The following PTPRH variants were observed in gnomAD, a reference collection of about 807,000 sequenced individuals.
PTPRH encodes the protein receptor-type tyrosine-protein phosphatase H.
In PTPRH, 113 loss-of-function variants were observed where a neutral mutation model predicts 130.2. That is an observed-to-expected ratio of 0.87 (90% CI 0.75 to 1.01). The LOEUF is 1.01. Among genes scored for constraint, PTPRH ranks in the 50% least tolerant of loss-of-function variants. The pLI is 0.00. For synonymous variants in PTPRH, 556 were observed against 577.9 expected (o/e 0.96, Z 0.54); for missense variants, 1,430 against 1,425.0 (o/e 1.00, Z -0.06).
chr19:55,181,309 G>A lies in PTPRH; in HGVS notation c.*445C>T, dbSNP rs900429290. ...AAGGAAAAATACATGTGGATGGTGG[G>A]GTGCAGAGAGACCTTGGGCACAGGG... On this transcript the variant is annotated 3_prime_UTR_variant, in exon 20 of 20. Coordinates refer to ENST00000376350, the MANE Select transcript of PTPRH (RefSeq NM_002842.5). 1 of 163,130 alleles carries A rather than the reference G, an allele frequency of 6.1e-6. No individual in the cohort carries two copies. Among genetic ancestry groups the A allele is most frequent in the Non-Finnish European group, 1.3e-5 (1 of 74,290 alleles). 10.1% of individuals were successfully genotyped at this position (163,130 alleles called of 1,614,324 possible).
chr19:55,204,897 G>C (rs911049954), intron 4 of PTPRH, among the ~76,000 whole-genome samples: 3 of 152,078 alleles, frequency 2.0e-5, no homozygotes, highest in Non-Finnish European at 2.9e-5. Flanking sequence ...CTACCATATC[G>C]GACAATGGAG....
Position 55,191,710 on chromosome 19 carries a change from G to A in PTPRH, c.2289C>T (p.Leu763=), listed in dbSNP as rs1322360516. The A allele has an allele frequency of 6.2e-7, 1 of 1,614,078 alleles. No individual in the cohort carries two copies. The highest frequency in any genetic ancestry group is 8.5e-7 in the Non-Finnish European group (1 of 1,180,018). Residue 763 remains leucine (L), a synonymous_variant, in exon 11 of 20, where the codon CTC becomes CTT. Coordinates refer to ENST00000376350, the MANE Select transcript of PTPRH (RefSeq NM_002842.5). ...GVIAGAFVGI[L]LFLILVGLLI... is the part of the protein sequence containing the mutation. Reference sequence around the variant, plus strand: ...GCAGGCCCACGAGGATGAGAAACAGGAGGATGCCCACAAAGGCTCCGGCAA... The same window carrying A: ...GCAGGCCCACGAGGATGAGAAACAGAAGGATGCCCACAAAGGCTCCGGCAA...
chr19:55,187,711 G>A (rs887371856), intron 13 of PTPRH, 108 bp from the exon 14 acceptor site: 34 of 780,658 alleles, frequency 4.4e-5, no homozygotes, highest in Non-Finnish European at 6.5e-5. Flanking sequence ...TTGTTTATTC[G>A]TTGCACCCTG....
rs1407958386 is a variant in PTPRH at position 55,185,894 on chromosome 19, T to A, written c.2869A>T (p.Asn957Tyr). The A allele has an allele frequency of 1.9e-6, 3 of 1,614,086 alleles. No homozygotes were observed. The highest frequency in any genetic ancestry group is 2.5e-6 in the Non-Finnish European group (3 of 1,180,010). ...AGCAGCAGTTCCCGCACCGTCCAGT[T>A]CTCCATCACTTCCTCACCTACCAGG... ...VTLVGEEVME[N>Y]WTVRELLLLQ... The change falls in exon 17 of 20, where the codon AAC becomes TAC. Residue 957 changes from asparagine to tyrosine, a missense_variant. Coordinates refer to ENST00000376350, the MANE Select transcript of PTPRH (RefSeq NM_002842.5).
intron 10 of PTPRH, among the ~76,000 whole-genome samples, chr19:55,196,116 G>A (rs1013373064): frequency 9.9e-5 from 15 of 152,104 alleles, no homozygotes; most frequent in East Asian, 5.8e-4. Flanking sequence ...TGGATGGCGC[G>A]GTGGCCCACA....
intron 14 of PTPRH, 103 bp downstream of exon 14, chr19:55,187,410 A>C: frequency 9.2e-6 from 5 of 546,140 alleles, no homozygotes; most frequent in African/African-American, 4.1e-5. Flanking sequence ...GACCCACGGT[A>C]GGGGGCAGGA....
Position 55,185,948 on chromosome 19 carries a change from G to C in PTPRH, c.2815C>G (p.Pro939Ala), listed in dbSNP as rs140748270. 99 of 1,613,940 alleles carry C rather than the reference G, an allele frequency of 6.1e-5. No homozygotes were observed. Among genetic ancestry groups the C allele is most frequent in the Non-Finnish European group, 7.8e-5 (92 of 1,179,972 alleles). Residue 939 changes from proline (P) to alanine (A), a missense_variant, in exon 17 of 20, where the codon CCC becomes GCC. Transcript: ENST00000376350. ...ACCCGCAGGTGCCCATGGGTGCAGGGCTGCGAGTCCAGAGGCCAGTAATGC... is the reference window on the plus strand; with the variant it reads ...ACCCGCAGGTGCCCATGGGTGCAGGCCTGCGAGTCCAGAGGCCAGTAATGC... Reference protein sequence around the residue: ...CEHYWPLDSQPCTHGHLRVTL... With the variant: ...CEHYWPLDSQACTHGHLRVTL...
At chr19:55,188,889 G>A (rs1298942681) in intron 12 of PTPRH, among the ~76,000 whole-genome samples, 2 of 152,216 alleles carry the variant, frequency 1.3e-5, no homozygotes, top group Non-Finnish European at 2.9e-5. Flanking sequence ...CGTCTTAAAA[G>A]GTAACTGTTC....
rs2087161192 is a variant in PTPRH at position 55,209,081 on chromosome 19, T to C, written c.51+302A>G. 2.0e-5 allele frequency among the ~76,000 whole-genome samples: 3 copies of C among 151,638 alleles called. No individual in the cohort carries two copies. Among genetic ancestry groups the C allele is most frequent in the South Asian group, 4.2e-4 (2 of 4,770 alleles). ...ACAGCTGTGTGTTGCCTGAAGCCAG[T>C]GTCCCCCGCAGCAGACACGACAGTG... On this transcript the variant is annotated intron_variant, in intron 1 of 19. Coordinates refer to ENST00000376350, the MANE Select transcript of PTPRH (RefSeq NM_002842.5). This position sits in a 1 kb window ranked among gnomAD's most constrained non-coding sequence, Gnocchi z 4.1.
intron 12 of PTPRH, among the ~76,000 whole-genome samples, chr19:55,188,911 AC>A (rs1737876930): frequency 6.6e-6 from 1 of 152,086 alleles, no homozygotes; most frequent in African/African-American, 2.4e-5. Flanking sequence ...CCAGTGTCCA[AC>A]CCCAAGCCAC....
In PTPRH at chr19:55,202,251, G is replaced by C. The variant is rs760361949; in HGVS notation, c.958C>G (p.Pro320Ala). 5 of 1,614,072 alleles carry C rather than the reference G, an allele frequency of 3.1e-6. No homozygotes were observed. In the East Asian group the frequency reaches 1.1e-4, roughly 36 times the overall value. Reference sequence around the variant, plus strand: ...GAGTTCTGTGGGTCTGGGCCATCGGGGACCTCCCAGGTCAGGGCGATGGAG... The same window carrying C: ...GAGTTCTGTGGGTCTGGGCCATCGGCGACCTCCCAGGTCAGGGCGATGGAG... ...NSSIALTWEV[P>A]DGPDPQNSTY... The change falls in exon 6 of 20, where the codon CCC (proline) becomes GCC (alanine). Residue 320 changes from proline to alanine, a missense_variant. Transcript: ENST00000376350.
rs1320539038 is a variant in PTPRH at position 55,185,949 on chromosome 19, C to T, written c.2814G>A (p.Gln938=). The part of the protein sequence containing the change: ...KCEHYWPLDS[Q]PCTHGHLRVT... ...CCCGCAGGTGCCCATGGGTGCAGGGCTGCGAGTCCAGAGGCCAGTAATGCT... is the reference window on the plus strand; with the variant it reads ...CCCGCAGGTGCCCATGGGTGCAGGGTTGCGAGTCCAGAGGCCAGTAATGCT... The change falls in exon 17 of 20, where the codon CAG becomes CAA. Residue 938 remains glutamine, a synonymous_variant. Coordinates refer to ENST00000376350, the MANE Select transcript of PTPRH (RefSeq NM_002842.5). The T allele has an allele frequency of 2.5e-6, 4 of 1,614,046 alleles. No individual in the cohort carries two copies. Among genetic ancestry groups the T allele is most frequent in the Middle Eastern group, 1.6e-4 (1 of 6,062 alleles).
chr19:55,185,273 C>A (rs1302246506), intron 18 of PTPRH, among the ~76,000 whole-genome samples: 4 of 152,154 alleles, frequency 2.6e-5, no homozygotes, highest in Non-Finnish European at 5.9e-5. Flanking sequence ...GATTTACAGG[C>A]ATGAGCCACC....
intron 9 of PTPRH, among the ~76,000 whole-genome samples, 153 bp downstream of exon 9, chr19:55,196,962 TAC>T (rs991223208): frequency 6.6e-6 from 1 of 152,184 alleles, no homozygotes; most frequent in Non-Finnish European, 1.5e-5. Flanking sequence ...CCTTTTAAAC[TAC>T]AACTCCCATG....
intron 11 of PTPRH, 37 bp from the exon 12 acceptor site, chr19:55,191,585 T>A (rs1600012164): frequency 6.2e-7 from 1 of 1,613,340 alleles, no homozygotes; most frequent in Non-Finnish European, 8.5e-7. Flanking sequence ...GCTCAGGGGG[T>A]GAGGCTGCAA....
chr19:55,183,356 A>G (rs747145023), intron 18 of PTPRH, among the ~76,000 whole-genome samples: 12 of 151,474 alleles, frequency 7.9e-5, no homozygotes, highest in Non-Finnish European at 1.8e-4. Context: ...GTGAGCCGAG[A>G]TCACATCACT....
chr19:55,204,245 G>A (rs2086972085), intron 4 of PTPRH, among the ~76,000 whole-genome samples, 197 bp from the exon 5 acceptor site: 2 of 152,028 alleles, frequency 1.3e-5, no homozygotes, highest in African/African-American at 2.4e-5. Flanking sequence ...TCAGCCTCCC[G>A]AGTAGGTGGG....
chr19:55,182,101 C>T lies in PTPRH; in HGVS notation c.3113G>A (p.Arg1038Gln), dbSNP rs45541434. The part of the protein sequence containing the change: ...GTLIALDVLL[R>Q]QLQSEGLLGP... ...AAGGAGACCCTCGGACTGCAGCTGC[C>T]GGAGCAGGACGTCCAGGGCAATGAG... Residue 1038 changes from arginine (R) to glutamine (Q), a missense_variant, in exon 19 of 20, where the codon CGG becomes CAG. Coordinates refer to ENST00000376350, the MANE Select transcript of PTPRH (RefSeq NM_002842.5). The T allele has an allele frequency of 9.3e-3, 15,081 of 1,614,048 alleles. 103 individuals are homozygous for T. Among genetic ancestry groups the T allele is most frequent in the Non-Finnish European group, 0.012 (13,602 of 1,180,020 alleles).
In PTPRH at chr19:55,209,368, G is replaced by A; in HGVS notation, c.51+15C>T. The A allele has an allele frequency of 6.4e-7, 1 of 1,559,912 alleles. No individual in the cohort carries two copies. Among genetic ancestry groups the A allele is most frequent in the Non-Finnish European group, 8.7e-7 (1 of 1,151,394 alleles). On this transcript the variant is annotated intron_variant, in intron 1 of 19. Transcript: ENST00000376350. The surrounding 1 kb of genome is among the most constrained non-coding windows in gnomAD (Gnocchi z 4.1). The stretch of plus-strand genomic sequence containing the variant: ...TCCCTGCCTTGGGAGCCCGCTCTGG[G>A]CGGGGAGCACTTACCAGCAGCACCA...
Sources: gnomAD v4.1 joint callset for allele counts (sites outside exome capture counted in the v4.1 genomes callset) on GRCh38, gnomAD v4.1.1 for gene constraint, Gnocchi (gnomAD v3.1) non-coding constraint, MANE v1.5 for transcripts, NCBI Gene and HGNC (gene_info 2026-07-23, HGNC 2026-07-21) for gene names.